Variants in KAZN observed in about 807,000 individuals in gnomAD.
KAZN encodes kazrin.
KAZN carries 40 observed loss-of-function variants against 87.4 expected under a neutral mutation model. The observed-to-expected ratio is 0.46, with a 90% CI of 0.36 to 0.60. The LOEUF is 0.60. Ranked by LOEUF, KAZN falls within the 20% of genes least tolerant of loss-of-function variation. The probability of loss-of-function intolerance (pLI) is 0.00; values close to 1 mark genes in which losing one functional copy is unlikely to be tolerated. For missense variants in KAZN, 898 were observed against 1,073.9 expected, an observed-to-expected ratio of 0.84 and a Z score of 2.29; for synonymous variants, 466 against 458.3, an observed-to-expected ratio of 1.02 and a Z score of -0.22.
intron 2 of KAZN, among the ~76,000 whole-genome samples, chr1:14,398,314 A>T (rs368713495): frequency 6.6e-6 from 1 of 152,198 alleles, no homozygotes; most frequent in East Asian, 1.9e-4. Context: ...GGTCTTCTTG[A>T]ATTTGAATCC....
intron 2 of KAZN, among the ~76,000 whole-genome samples, chr1:14,529,524 C>A (rs1426023646): frequency 6.6e-6 from 1 of 152,142 alleles, no homozygotes; most frequent in African/African-American, 2.4e-5. Flanking sequence ...AGAAGAGTGT[C>A]TTGTAGATTC....
At chr1:14,440,090 T>A (rs58502989) in intron 2 of KAZN, among the ~76,000 whole-genome samples, 4,351 of 152,308 alleles carry the variant, frequency 0.029, 209 homozygotes, top group African/African-American at 0.098. Context: ...TATGTCTGTT[T>A]GCTAGAACAC....
intron 1 of KAZN, among the ~76,000 whole-genome samples, chr1:14,090,035 T>G (rs1238515727): frequency 1.3e-5 from 2 of 152,134 alleles, no homozygotes; most frequent in Non-Finnish European, 2.9e-5. Context: ...CTGTGGCAGC[T>G]TTTAAGATTT....
chr1:15,050,093 C>G (rs74870928), intron 4 of KAZN, among the ~76,000 whole-genome samples: 17,704 of 99,728 alleles, frequency 0.18, 1,885 homozygotes, highest in African/African-American at 0.4. Context: ...CAGTAGAGTA[C>G]AGTAGAGTAG....
intron 1 of KAZN, among the ~76,000 whole-genome samples, chr1:14,678,686 G>C (rs1324453430): frequency 6.6e-6 from 1 of 152,188 alleles, no homozygotes; most frequent in Non-Finnish European, 1.5e-5. Flanking sequence ...CTCAGGCTCA[G>C]GTTTCATTAT....
intron 2 of KAZN, among the ~76,000 whole-genome samples, chr1:14,374,041 G>A (rs1660710718): frequency 6.6e-6 from 1 of 152,208 alleles, no homozygotes; most frequent in African/African-American, 2.4e-5. Flanking sequence ...TGACGTTCAT[G>A]TCCATCAGTA....
chr1:14,140,853 C>T (rs1453540859), intron 1 of KAZN, among the ~76,000 whole-genome samples: 1 of 152,138 alleles, frequency 6.6e-6, no homozygotes, highest in Non-Finnish European at 1.5e-5. Context: ...AAGATGCCCT[C>T]ATTCTCTGGG....
At chr1:14,912,573 G>T (rs997637356) in intron 1 of KAZN, among the ~76,000 whole-genome samples, 1 of 152,048 alleles carries the variant, frequency 6.6e-6, no homozygotes, top group African/African-American at 2.4e-5. Flanking sequence ...TAGAGACAGG[G>T]TTTCACCATG....
chr1:14,308,459 C>T (rs1205545882), intron 2 of KAZN, among the ~76,000 whole-genome samples: 1 of 152,160 alleles, frequency 6.6e-6, no homozygotes, highest in Non-Finnish European at 1.5e-5. Context: ...AAAGTAAAAA[C>T]AGGTGGATCT....
At chr1:14,917,890 C>CT (rs1553156008) in intron 1 of KAZN, among the ~76,000 whole-genome samples, 11 of 150,220 alleles carry the variant, frequency 7.3e-5, no homozygotes, top group East Asian at 1.9e-4. Flanking sequence ...TTCTTTCTTT[C>CT]TTTTTTGAGA....
At chr1:14,236,083 C>T (rs1478055475) in intron 2 of KAZN, among the ~76,000 whole-genome samples, 1 of 149,904 alleles carries the variant, frequency 6.7e-6, no homozygotes, top group African/African-American at 2.4e-5. Context: ...TTCCAGAATA[C>T]AAGAAAGATA....
intron 1 of KAZN, among the ~76,000 whole-genome samples, chr1:14,609,491 A>C (rs997462529): frequency 6.6e-6 from 1 of 152,230 alleles, no homozygotes; most frequent in African/African-American, 2.4e-5. Context: ...TCAACACCAC[A>C]GTTGGTTCTA....
intron 1 of KAZN, among the ~76,000 whole-genome samples, chr1:14,091,973 TATG>T (rs1644006027): frequency 2.0e-5 from 3 of 152,220 alleles, no homozygotes; most frequent in African/African-American, 7.2e-5. Context: ...CTGTAATTTT[TATG>T]ATGATTATTG....
At chr1:14,003,418 C>CA (rs1351087746) in intron 1 of KAZN, among the ~76,000 whole-genome samples, 2 of 150,524 alleles carry the variant, frequency 1.3e-5, no homozygotes, top group African/African-American at 2.4e-5. Context: ...GCAATCTAGC[C>CA]AGCACTTACA....
At chr1:14,982,924 C>A (rs1055440654) in intron 2 of KAZN, among the ~76,000 whole-genome samples, 1 of 152,212 alleles carries the variant, frequency 6.6e-6, no homozygotes, top group Non-Finnish European at 1.5e-5. Context: ...GTAAAGGTAG[C>A]CCGCACAGGC....
At chr1:13,948,623 C>T (rs1641232498) in intron 1 of KAZN, among the ~76,000 whole-genome samples, 1 of 152,106 alleles carries the variant, frequency 6.6e-6, no homozygotes, top group Non-Finnish European at 1.5e-5. Context: ...ATGGAACCTT[C>T]CTGTTTTGAG....
chr1:13,983,485 C>T (rs1357926347), intron 1 of KAZN, among the ~76,000 whole-genome samples: 1 of 152,244 alleles, frequency 6.6e-6, no homozygotes, highest in Non-Finnish European at 1.5e-5. Flanking sequence ...CCACGACCAC[C>T]TGGAACTCTA....
intron 1 of KAZN, among the ~76,000 whole-genome samples, chr1:13,913,227 T>C (rs1639718018): frequency 6.6e-6 from 1 of 152,072 alleles, no homozygotes; most frequent in African/African-American, 2.4e-5. Context: ...CAGGAAGAAG[T>C]AGAGGATTTC....
intron 2 of KAZN, among the ~76,000 whole-genome samples, chr1:14,383,359 C>T (rs996179344): frequency 3.3e-5 from 5 of 151,856 alleles, no homozygotes; most frequent in African/African-American, 1.2e-4. Flanking sequence ...GTTGCCATTG[C>T]TTTTGGTGTT....
Sources: gnomAD v4.1 joint callset for allele counts (sites outside exome capture counted in the v4.1 genomes callset) on GRCh38, gnomAD v4.1.1 for gene constraint, MANE v1.5 for transcripts, NCBI Gene and HGNC (gene_info 2026-07-23, HGNC 2026-07-21) for gene names.